Variants in PAK5 observed in about 807,000 individuals in gnomAD.
PAK5 encodes the protein serine/threonine-protein kinase PAK 5.
PAK5 carries 16 observed loss-of-function variants against 65.9 expected under a neutral mutation model. That is an observed-to-expected ratio of 0.24 (90% CI 0.16 to 0.37). PAK5 has a LOEUF of 0.37. PAK5 is among the 10% of genes least tolerant of loss of function. The pLI is 1.00. For missense variants in PAK5, 785 were observed against 903.9 expected (o/e 0.87, Z 1.69); for synonymous variants, 371 against 354.9 (o/e 1.05, Z -0.51).
chr20:9,777,580 T>C (rs1338279330), intron 1 of PAK5, among the ~76,000 whole-genome samples: 3 of 152,188 alleles, frequency 2.0e-5, no homozygotes, highest in African/African-American at 7.2e-5. Flanking sequence ...TGAGTATGTC[T>C]CTATTAGAAG....
intron 4 of PAK5, among the ~76,000 whole-genome samples, chr20:9,574,622 C>G (rs1386902720): frequency 3.9e-5 from 6 of 152,118 alleles, no homozygotes; most frequent in Non-Finnish European, 8.8e-5. Context: ...AAAACCCATT[C>G]ATAATGACCA....
Position 9,732,197 on chromosome 20 carries a change from A to G in PAK5, c.-161-20762T>C, listed in dbSNP as rs2048341682. ...CACTCTTCTGAAAGTTTAAGTTAAA[A>G]AAAAAGTTTTAACAGCTTAAGTACT... is the stretch of plus-strand genomic sequence containing the variant. On this transcript the variant is annotated intron_variant, in intron 1 of 9. Coordinates refer to ENST00000353224, the MANE Select transcript of PAK5 (RefSeq NM_177990.4). Among the ~76,000 whole-genome samples, 5 of 152,274 alleles carry G rather than the reference A, an allele frequency of 3.3e-5. No individual in the cohort carries two copies. In the South Asian group the frequency reaches 1.0e-3, roughly 32 times the overall value.
intron 1 of PAK5, among the ~76,000 whole-genome samples, chr20:9,768,598 C>A (rs758012100): frequency 6.6e-6 from 1 of 152,060 alleles, no homozygotes; most frequent in Non-Finnish European, 1.5e-5. Flanking sequence ...GCCTGGCCAA[C>A]ATGGCATAAC....
chr20:9,692,552 T>A (rs1451847582), intron 2 of PAK5, among the ~76,000 whole-genome samples: 1 of 152,184 alleles, frequency 6.6e-6, no homozygotes, highest in Non-Finnish European at 1.5e-5. Flanking sequence ...ATTCTAACTC[T>A]CAGTGATTTT....
intron 2 of PAK5, among the ~76,000 whole-genome samples, chr20:9,646,749 G>T (rs912948934): frequency 6.6e-6 from 1 of 152,176 alleles, no homozygotes; most frequent in Non-Finnish European, 1.5e-5. Context: ...GCACACTGTG[G>T]CTTGTCTGCC....
chr20:9,745,846 A>G (rs1373108027), intron 1 of PAK5, among the ~76,000 whole-genome samples: 1 of 151,306 alleles, frequency 6.6e-6, no homozygotes, highest in Non-Finnish European at 1.5e-5. Context: ...ATGAGATAAT[A>G]AAAGAAGGGG....
At chr20:9,574,782 A>G (rs1339352147) in intron 4 of PAK5, among the ~76,000 whole-genome samples, 2 of 152,168 alleles carry the variant, frequency 1.3e-5, no homozygotes, top group Admixed American at 1.3e-4. Context: ...CTTAATGAAG[A>G]CCCTGTAGGT....
rs1298470234 is a variant in PAK5, at chr20:9,539,564, A to G, written c.2058T>C (p.Ser686=). The change falls in exon 10 of 10, where the codon TCT becomes TCC. Residue 686 remains serine (S), a synonymous_variant. Coordinates refer to ENST00000353224, the MANE Select transcript of PAK5 (RefSeq NM_177990.4). ...GGAGTTCCTGGGCTGTTGCTCTCTGAGAGGGCTCCCTCACCAACATCAAGT... is the reference window on the plus strand; with the variant it reads ...GGAGTTCCTGGGCTGTTGCTCTCTGGGAGGGCTCCCTCACCAACATCAAGT... ...FLDLMLVREP[S]QRATAQELLG... is the part of the protein sequence containing the mutation. 4 of 1,613,714 alleles carry G rather than the reference A, an allele frequency of 2.5e-6. No homozygotes were observed. Among genetic ancestry groups the G allele is most frequent in the Non-Finnish European group, 3.4e-6 (4 of 1,179,902 alleles).
intron 7 of PAK5, 64 bp downstream of exon 7, chr20:9,557,544 G>A: frequency 7.2e-7 from 1 of 1,391,892 alleles, no homozygotes; most frequent in Non-Finnish European, 9.7e-7. Flanking sequence ...TTCTAAAAGA[G>A]TTATGCCCAT....
chr20:9,625,233 C>G (rs994705419), intron 3 of PAK5, among the ~76,000 whole-genome samples: 1 of 152,178 alleles, frequency 6.6e-6, no homozygotes, highest in Non-Finnish European at 1.5e-5. Context: ...AACACCATCT[C>G]CTTATATTTG....
chr20:9,665,929 C>T (rs1449395831), intron 2 of PAK5, among the ~76,000 whole-genome samples: 1 of 152,122 alleles, frequency 6.6e-6, no homozygotes, highest in African/African-American at 2.4e-5. Flanking sequence ...TTCAGTTTTA[C>T]TGGACCCCTG....
chr20:9,710,428 G>T (rs915959683), intron 2 of PAK5, among the ~76,000 whole-genome samples: 76 of 152,168 alleles, frequency 5.0e-4, no homozygotes, highest in African/African-American at 1.7e-3. Flanking sequence ...TGACCATTGT[G>T]TATTAAAACG....
intron 3 of PAK5, among the ~76,000 whole-genome samples, chr20:9,622,796 CT>C (rs1378615891): frequency 6.6e-6 from 1 of 152,198 alleles, no homozygotes; most frequent in Non-Finnish European, 1.5e-5. Flanking sequence ...ATCCGCACCC[CT>C]GTCTGTGGAA....
chr20:9,724,916 C>A (rs2058544787), intron 1 of PAK5, among the ~76,000 whole-genome samples: 2 of 152,094 alleles, frequency 1.3e-5, no homozygotes, highest in Non-Finnish European at 2.9e-5. Context: ...TTGTTCGAAA[C>A]ACAAAGGATA....
intron 1 of PAK5, among the ~76,000 whole-genome samples, chr20:9,801,537 A>G (rs760378342): frequency 2.6e-5 from 4 of 150,946 alleles, no homozygotes; most frequent in Admixed American, 6.6e-5. Context: ...ACACTTATAC[A>G]TATAAATCTT....
chr20:9,750,314 C>G (rs1276847465), intron 1 of PAK5, among the ~76,000 whole-genome samples: 1 of 152,058 alleles, frequency 6.6e-6, no homozygotes, highest in Non-Finnish European at 1.5e-5. Context: ...TTTAAACAGA[C>G]AGCATGAAGC....
chr20:9,682,931 G>A (rs2047669657), intron 2 of PAK5, among the ~76,000 whole-genome samples: 1 of 152,202 alleles, frequency 6.6e-6, no homozygotes, highest in Non-Finnish European at 1.5e-5. Flanking sequence ...TATATTCTGT[G>A]AAAGAAGCTG....
At chr20:9,633,667 TGG>T (rs1471831635) in intron 3 of PAK5, among the ~76,000 whole-genome samples, 3 of 152,314 alleles carry the variant, frequency 2.0e-5, no homozygotes, top group African/African-American at 7.2e-5. Flanking sequence ...GCTTCTGCTC[TGG>T]GAGTAGAGTT....
intron 4 of PAK5, among the ~76,000 whole-genome samples, chr20:9,570,871 C>T (rs2045769252): frequency 6.6e-6 from 1 of 152,214 alleles, no homozygotes; most frequent in Non-Finnish European, 1.5e-5. Context: ...TTCCTTATCA[C>T]CTGTCAGCAG....
Sources: gnomAD v4.1 joint callset for allele counts (sites outside exome capture counted in the v4.1 genomes callset) on GRCh38, gnomAD v4.1.1 for gene constraint, MANE v1.5 for transcripts, NCBI Gene and HGNC (gene_info 2026-07-23, HGNC 2026-07-21) for gene names.